MTMR9: variants seen among roughly 807,000 people sequenced by gnomAD.
MTMR9 encodes myotubularin-related protein 9.
In MTMR9, 39 loss-of-function variants were observed where a neutral mutation model predicts 69.5. The observed-to-expected ratio is 0.56, with a 90% CI of 0.43 to 0.73. The LOEUF (loss-of-function observed/expected upper bound fraction) is 0.73. Among genes scored for constraint, MTMR9 ranks in the 30% least tolerant of loss-of-function variants. The pLI is 0.00. For missense variants in MTMR9, 900 were observed against 671.2 expected (o/e 1.34, Z -3.77); for synonymous variants, 354 against 240.8 (o/e 1.47, Z -4.35).
chr8:11,332,218 A>G (rs1388730790), downstream of MTMR9: 2 of 1,492,128 alleles, frequency 1.3e-6, no homozygotes, highest in African/African-American at 2.9e-5. Flanking sequence ...AAATAATTAT[A>G]ATAAATCCTA....
At chr8:11,318,011 G>A (rs937624909) in intron 8 of MTMR9, 2 of 152,030 alleles carry the variant, frequency 1.3e-5, no homozygotes, top group African/African-American at 4.8e-5. Flanking sequence ...CACTTAGAAG[G>A]GAGGATTTAA....
Position 11,309,646 on chromosome 8 carries a change from A to T in MTMR9, c.929A>T (p.Glu310Val). Residue 310 changes from glutamate to valine, a missense_variant, in exon 6 of 10, where the codon GAG (glutamate) becomes GTG (valine). Transcript: ENST00000221086. ...TCTAACTGGCTGACTCACATCAAAG[A>T]GATTCTGACAACTGCCTGCCTAGCG... ...EASNWLTHIK[E>V]ILTTACLAAQ... is the part of the protein sequence containing the mutation. 1 of 1,613,966 alleles carries T rather than the reference A, an allele frequency of 6.2e-7. No individual in the cohort carries two copies. The highest frequency in any genetic ancestry group is 8.5e-7 in the Non-Finnish European group (1 of 1,179,880).
At chr8:11,319,053 C>A (rs1216382827) in intron 8 of MTMR9, 1 of 151,330 alleles carries the variant, frequency 6.6e-6, no homozygotes, top group Non-Finnish European at 1.5e-5. Context: ...ACTCATGTAA[C>A]CAAATACCAC....
chr8:11,316,977 C>A, intron 8 of MTMR9, 84 bp downstream of exon 8: 1 of 730,268 alleles, frequency 1.4e-6, no homozygotes, highest in Non-Finnish European at 2.2e-6. Flanking sequence ...TAGGAGACGA[C>A]GATTTGGATC....
chr8:11,335,472 T>A, the MTMR9 span, among the ~76,000 whole-genome samples: 1 of 152,208 alleles, frequency 6.6e-6, no homozygotes, highest in Non-Finnish European at 1.5e-5. Flanking sequence ...GAATCAATAT[T>A]GTCAAGATAT....
intron 9 of MTMR9, chr8:11,321,301 T>G: frequency 2.6e-6 from 1 of 391,518 alleles, no homozygotes; most frequent in Non-Finnish European, 5.2e-6. Context: ...TTCGTGATTG[T>G]CGTCACAGTC....
At position 11,314,967 on chromosome 8, in the gene MTMR9, C is replaced by A. The variant is rs563581834; in HGVS notation, c.1016C>A (p.Ser339Tyr). Residue 339 changes from serine to tyrosine, a missense_variant, in exon 7 of 10, where the codon TCC becomes TAC. By Grantham distance (144) the Ser-to-Tyr change is moderately radical. Coordinates refer to ENST00000221086, the MANE Select transcript of MTMR9 (RefSeq NM_015458.4). ...ATTCACGGAACAGAAGGAACTGATTCCACACTCCAGGTGACCTCCTTGGCC... is the reference window on the plus strand; with the variant it reads ...ATTCACGGAACAGAAGGAACTGATTACACACTCCAGGTGACCTCCTTGGCC... ...ILIHGTEGTDSTLQVTSLAQI... is the reference protein window; with the variant it reads ...ILIHGTEGTDYTLQVTSLAQI... The A allele has an allele frequency of 1.9e-6, 3 of 1,613,890 alleles. No homozygotes were observed. The African/African-American group carries it at 4.0e-5, about 22-fold the overall frequency.
At chr8:11,316,262 G>T (rs1407312885) in intron 7 of MTMR9, 1 of 153,812 alleles carries the variant, frequency 6.5e-6, no homozygotes, top group Non-Finnish European at 1.4e-5. Flanking sequence ...CTTGTTTAGT[G>T]TACAGCACAA....
In MTMR9 at chr8:11,326,620, C is replaced by G. The variant is rs931378534; in HGVS notation, c.*3832C>G. ...ATGGGCTAGGCCTGTTCTCCTCCTC[C>G]AGACCTAGTATTCTAAGTTATTACC... On this transcript the variant is annotated 3_prime_UTR_variant, in exon 10 of 10. Coordinates refer to ENST00000221086, the MANE Select transcript of MTMR9 (RefSeq NM_015458.4). 6.6e-6 allele frequency: 1 copy of G among 152,218 alleles called. No individual in the cohort carries two copies. 9.4% of individuals were successfully genotyped at this position (152,218 alleles called of 1,614,324 possible).
chr8:11,300,318 CA>C (rs1270350296), intron 3 of MTMR9, 170 bp downstream of exon 3: 2 of 597,810 alleles, frequency 3.3e-6, no homozygotes, highest in African/African-American at 3.8e-5. Flanking sequence ...TCTCTGATCA[CA>C]AAGGAATTAG....
chr8:11,292,192 AGT>A (rs1799399411), intron 1 of MTMR9, among the ~76,000 whole-genome samples: 1 of 152,152 alleles, frequency 6.6e-6, no homozygotes, highest in Admixed American at 6.5e-5. Context: ...CTGAGTACTA[AGT>A]GTCCATTTTG....
chr8:11,297,580 G>C (rs188037981), intron 2 of MTMR9, among the ~76,000 whole-genome samples: 2 of 150,156 alleles, frequency 1.3e-5, no homozygotes, highest in African/African-American at 4.9e-5. Context: ...ACCAGTCTTC[G>C]TTTTTCTTAT....
intron 6 of MTMR9, among the ~76,000 whole-genome samples, chr8:11,312,671 C>G (rs1023965886): frequency 6.6e-6 from 1 of 152,208 alleles, no homozygotes; most frequent in African/African-American, 2.4e-5. Flanking sequence ...TCTCATGAAT[C>G]ACAGATATTT....
chr8:11,301,192 A>C lies in MTMR9; in HGVS notation c.417+1044A>C, dbSNP rs145470552. Among the ~76,000 whole-genome samples, 5 of 152,334 alleles carry C rather than the reference A, an allele frequency of 3.3e-5. No individual in the cohort carries two copies. In the East Asian group the frequency reaches 9.6e-4, roughly 29 times the overall value. ...ACAAAATGATACAAATTTTATGGAAATGCAAATTTAAATATATAAGTTTAT... is the reference window on the plus strand; with the variant it reads ...ACAAAATGATACAAATTTTATGGAACTGCAAATTTAAATATATAAGTTTAT... On this transcript the variant is annotated intron_variant, in intron 3 of 9. Coordinates refer to ENST00000221086, the MANE Select transcript of MTMR9 (RefSeq NM_015458.4).
In MTMR9 at chr8:11,319,798, C is replaced by T. The variant is rs753715926; in HGVS notation, c.1446C>T (p.Ile482=). The T allele has an allele frequency of 2.5e-6, 4 of 1,614,074 alleles. No homozygotes were observed. Among genetic ancestry groups the T allele is most frequent in the Non-Finnish European group, 3.4e-6 (4 of 1,180,032 alleles). ...NPLFEANNLV[I]WPSVAPQSLP... is the part of the protein sequence containing the mutation. ...TCTTTGAAGCCAACAACCTTGTCAT[C>T]TGGCCTTCAGTTGCTCCGCAGAGTC... The change falls in exon 9 of 10, where the codon ATC becomes ATT. Residue 482 remains isoleucine (I), a synonymous_variant. Transcript: ENST00000221086.
chr8:11,285,229 G>A, intron 1 of MTMR9, 159 bp downstream of exon 1: 7 of 672,996 alleles, frequency 1.0e-5, no homozygotes, highest in Non-Finnish European at 1.7e-5. Flanking sequence ...GCTGAAACCC[G>A]TCCAGATGGA....
chr8:11,295,778 A>G (rs1799534029), intron 2 of MTMR9, among the ~76,000 whole-genome samples: 2 of 152,312 alleles, frequency 1.3e-5, no homozygotes, highest in Non-Finnish European at 2.9e-5. Context: ...TTCAAGTAAA[A>G]TCTTATATGG....
chr8:11,288,079 T>C (rs1799245917), intron 1 of MTMR9, among the ~76,000 whole-genome samples: 1 of 131,518 alleles, frequency 7.6e-6, no homozygotes, highest in South Asian at 2.2e-4. Flanking sequence ...ATATTTCACC[T>C]ATATAATATA....
chr8:11,297,238 A>G (rs1487911896), intron 2 of MTMR9, among the ~76,000 whole-genome samples: 1 of 152,226 alleles, frequency 6.6e-6, no homozygotes, highest in Non-Finnish European at 1.5e-5. Context: ...AAACAGGAAT[A>G]GAGAAATAGA....
Sources: allele counts gnomAD v4.1 joint callset (sites outside exome capture counted in the v4.1 genomes callset), GRCh38; gene constraint gnomAD v4.1.1; transcripts MANE v1.5; gene names NCBI Gene and HGNC (gene_info 2026-07-23, HGNC 2026-07-21).